The following GRM8 variants were observed in gnomAD, a reference collection of about 807,000 sequenced individuals.
GRM8 encodes the protein glutamate metabotropic receptor 8.
GRM8 carries 47 observed loss-of-function variants against 87.2 expected under a neutral mutation model. The ratio of observed to expected loss-of-function variants is 0.54; its 90% CI spans 0.43 to 0.69. The LOEUF (loss-of-function observed/expected upper bound fraction) is 0.69, where lower values mean the gene tolerates loss of function less well. GRM8 is among the 30% of genes least tolerant of loss of function. The probability of loss-of-function intolerance (pLI) is 0.00; values close to 1 mark genes in which losing one functional copy is unlikely to be tolerated. For missense variants in GRM8, 1,019 were observed against 1,139.2 expected (o/e 0.89, Z 1.52); for synonymous variants, 396 against 404.5 (o/e 0.98, Z 0.25).
At chr7:126,848,268 TGA>T (rs1796888384) in intron 6 of GRM8, among the ~76,000 whole-genome samples, 1 of 152,088 alleles carries the variant, frequency 6.6e-6, no homozygotes, top group Non-Finnish European at 1.5e-5. Context: ...CATTGGAAAA[TGA>T]GAGTCTAGAG....
chr7:127,150,135 A>G (rs1229338590), intron 2 of GRM8, among the ~76,000 whole-genome samples: 3 of 152,084 alleles, frequency 2.0e-5, no homozygotes, highest in Non-Finnish European at 1.5e-5. Context: ...TTATACCTTG[A>G]ATATATACAA....
At chr7:126,600,225 C>T (rs535182920) in intron 8 of GRM8, among the ~76,000 whole-genome samples, 9 of 151,980 alleles carry the variant, frequency 5.9e-5, no homozygotes, top group Non-Finnish European at 1.3e-4. Flanking sequence ...ATTAGAAATC[C>T]GTTGATATCT....
intron 3 of GRM8, among the ~76,000 whole-genome samples, chr7:127,068,138 A>G (rs1267209719): frequency 6.6e-6 from 1 of 152,188 alleles, no homozygotes; most frequent in African/African-American, 2.4e-5. Flanking sequence ...TAATTTCCTG[A>G]AATATCTAGT....
intron 3 of GRM8, among the ~76,000 whole-genome samples, chr7:127,075,496 C>T (rs530073663): frequency 1.1e-3 from 164 of 151,426 alleles, no homozygotes; most frequent in Non-Finnish European, 2.0e-3. Flanking sequence ...TTAGTCAGGG[C>T]GAAGTATATG....
intron 3 of GRM8, among the ~76,000 whole-genome samples, chr7:127,080,069 A>G (rs1458076929): frequency 1.3e-5 from 2 of 152,248 alleles, no homozygotes; most frequent in Non-Finnish European, 2.9e-5. Flanking sequence ...GAACTAAGGT[A>G]GCTATCCAGC....
intron 9 of GRM8, among the ~76,000 whole-genome samples, chr7:126,449,613 C>T (rs1802398615): frequency 6.6e-6 from 1 of 151,834 alleles, no homozygotes; most frequent in Admixed American, 6.6e-5. Flanking sequence ...TGTAATCTCA[C>T]TTCAATGTAG....
At chr7:127,024,665 T>C (rs1311510394) in intron 3 of GRM8, among the ~76,000 whole-genome samples, 1 of 152,082 alleles carries the variant, frequency 6.6e-6, no homozygotes, top group Non-Finnish European at 1.5e-5. Flanking sequence ...TCCCAGAAAT[T>C]GATCCCTGAC....
At chr7:126,869,626 G>A (rs1485810343) in intron 6 of GRM8, 2 of 152,132 alleles carry the variant, frequency 1.3e-5, no homozygotes, top group South Asian at 4.1e-4. Flanking sequence ...TGAGTGACCA[G>A]GTACATTGTC....
intron 7 of GRM8, among the ~76,000 whole-genome samples, chr7:126,758,053 A>G (rs1444031129): frequency 6.6e-6 from 1 of 152,180 alleles, no homozygotes; most frequent in Non-Finnish European, 1.5e-5. Context: ...AATTAAATTC[A>G]GATAGCACAA....
intron 3 of GRM8, among the ~76,000 whole-genome samples, chr7:126,956,928 A>T (rs182802860): frequency 2.0e-5 from 3 of 152,364 alleles, no homozygotes; most frequent in South Asian, 2.1e-4. Context: ...TTATAAACAC[A>T]GATGTAGAAA....
chr7:127,250,079 T>C (rs1798783918), intron 1 of GRM8, among the ~76,000 whole-genome samples: 3 of 152,218 alleles, frequency 2.0e-5, no homozygotes, highest in African/African-American at 7.2e-5. Context: ...AACATGTGTG[T>C]AGTGTGCTGT....
At chr7:126,868,892 G>A (rs901986989) in intron 6 of GRM8, 1 of 152,146 alleles carries the variant, frequency 6.6e-6, no homozygotes, top group African/African-American at 2.4e-5. Flanking sequence ...ATTAAAATAA[G>A]ACAACAAAGT....
At chr7:126,737,340 C>G (rs969556314) in intron 7 of GRM8, among the ~76,000 whole-genome samples, 3 of 151,918 alleles carry the variant, frequency 2.0e-5, no homozygotes, top group African/African-American at 7.3e-5. Context: ...CGACTCCTTA[C>G]GATTTCATCT....
At chr7:126,896,269 A>G (rs1801533349) in intron 6 of GRM8, among the ~76,000 whole-genome samples, 1 of 151,750 alleles carries the variant, frequency 6.6e-6, no homozygotes, top group Non-Finnish European at 1.5e-5. Context: ...AGCATAAATA[A>G]GTCATCCTTG....
intron 3 of GRM8, among the ~76,000 whole-genome samples, chr7:126,915,038 G>T (rs1302579547): frequency 2.6e-5 from 4 of 152,234 alleles, no homozygotes; most frequent in African/African-American, 9.6e-5. Context: ...TGATCTGGAG[G>T]TGGATCGGGT....
chr7:126,717,577 T>C, intron 7 of GRM8, among the ~76,000 whole-genome samples: 1 of 152,222 alleles, frequency 6.6e-6, no homozygotes, highest in East Asian at 1.9e-4. Flanking sequence ...ATGCTTTCTC[T>C]ACATACTATT....
At chr7:127,090,482 T>C (rs1275793035) in intron 3 of GRM8, among the ~76,000 whole-genome samples, 1 of 152,228 alleles carries the variant, frequency 6.6e-6, no homozygotes, top group East Asian at 1.9e-4. Flanking sequence ...ATTCATCAGA[T>C]TTATCTACTT....
At chr7:126,923,417 T>G (rs1804748576) in intron 3 of GRM8, among the ~76,000 whole-genome samples, 1 of 152,224 alleles carries the variant, frequency 6.6e-6, no homozygotes, top group South Asian at 2.1e-4. Flanking sequence ...ATATCAGTAA[T>G]TGGTTTTAAT....
intron 3 of GRM8, among the ~76,000 whole-genome samples, chr7:126,935,442 C>A (rs2072416): frequency 0.38 from 57,770 of 152,006 alleles, 11,316 homozygotes; most frequent in East Asian, 0.66. Context: ...CTAGAACTGG[C>A]AATCTTCAAC....
Sources: gnomAD v4.1 joint callset for allele counts (sites outside exome capture counted in the v4.1 genomes callset) on GRCh38, gnomAD v4.1.1 for gene constraint, MANE v1.5 for transcripts, NCBI Gene and HGNC (gene_info 2026-07-23, HGNC 2026-07-21) for gene names.